The following SLAMF1 variants were observed in gnomAD, a reference collection of about 807,000 sequenced individuals.
The protein encoded by SLAMF1 is signaling lymphocytic activation molecule family member 1.
In SLAMF1, 18 loss-of-function variants were observed where a neutral mutation model predicts 35.1. The ratio of observed to expected loss-of-function variants is 0.51; its 90% CI spans 0.35 to 0.76. The LOEUF (loss-of-function observed/expected upper bound fraction) is 0.76, where lower values mean the gene tolerates loss of function less well. Ranked by LOEUF, SLAMF1 falls within the 30% of genes least tolerant of loss-of-function variation. The pLI, the probability that SLAMF1 is intolerant of heterozygous loss-of-function variation, is 0.01. For missense variants in SLAMF1, 392 were observed against 413.0 expected (o/e 0.95, Z 0.44); for synonymous variants, 168 against 157.2 (o/e 1.07, Z -0.51).
At position 160,637,544 on chromosome 1, in the gene SLAMF1, A is replaced by C. The variant is rs1481242574; in HGVS notation, c.77-15T>G. ...CATGCGCCCACCTGTGGGAGGGAGG[A>C]GAAGAGAGTCCCTTATTATTAAGGC... is the stretch of plus-strand genomic sequence containing the variant. On this transcript the variant is annotated splice_polypyrimidine_tract_variant and intron_variant, in intron 1 of 6. Transcript: ENST00000302035. 6.3e-7 allele frequency: 1 copy of C among 1,583,240 alleles called. No homozygotes were observed. Among genetic ancestry groups the C allele is most frequent in the African/African-American group, 1.3e-5 (1 of 74,388 alleles).
chr1:160,616,422 A>G (rs950146752), intron 5 of SLAMF1, among the ~76,000 whole-genome samples: 4 of 151,504 alleles, frequency 2.6e-5, no homozygotes. Flanking sequence ...TTACAGGCCA[A>G]TTTCACTCAG....
At chr1:160,635,551 T>C (rs966901927) in intron 2 of SLAMF1, among the ~76,000 whole-genome samples, 3 of 151,676 alleles carry the variant, frequency 2.0e-5, no homozygotes, top group African/African-American at 7.3e-5. Context: ...AGCACAGTGC[T>C]GGTGTTTCAC....
chr1:160,617,908 A>G (rs955178941), intron 5 of SLAMF1, among the ~76,000 whole-genome samples: 2 of 152,124 alleles, frequency 1.3e-5, no homozygotes, highest in African/African-American at 4.8e-5. Flanking sequence ...CCCCATCTCT[A>G]CTAAAGATAC....
At chr1:160,620,782 G>T (rs182333334) in intron 4 of SLAMF1, among the ~76,000 whole-genome samples, 3 of 152,190 alleles carry the variant, frequency 2.0e-5, no homozygotes, top group Admixed American at 6.5e-5. Context: ...TGATGGAAAT[G>T]TTCCATATCT....
rs983161274 is a variant in SLAMF1, at chr1:160,634,645, C to T, written c.668G>A (p.Ser223Asn). Residue 223 changes from serine to asparagine, a missense_variant, in exon 3 of 7, where the codon AGC becomes AAC. By Grantham distance (46) the Ser-to-Asn change is conservative. Coordinates refer to ENST00000302035, the MANE Select transcript of SLAMF1 (RefSeq NM_003037.5). The part of the protein sequence containing the change: ...NPISNNSQTF[S>N]PWPGCRTDPS... ...GTCTGTCCTGCATCCGGGCCACGGG[C>T]TGAAGGTCTGGGAATTGTTGCTGAT... The T allele has an allele frequency of 1.2e-6, 2 of 1,613,062 alleles. No homozygotes were observed. The highest frequency in any genetic ancestry group is 4.5e-5 in the East Asian group (2 of 44,894).
In SLAMF1 at chr1:160,619,762, A is replaced by C; in HGVS notation, c.864+14T>G. ...AACATGACAGGTTCATCTCAAACAA[A>C]ATATAGAACTTACACCTGGTTTCTG... is the stretch of plus-strand genomic sequence containing the variant. On this transcript the variant is annotated intron_variant, in intron 5 of 6. Transcript: ENST00000302035. 6.4e-7 allele frequency: 1 copy of C among 1,558,572 alleles called. No individual in the cohort carries two copies. Among genetic ancestry groups the C allele is most frequent in the Non-Finnish European group, 8.9e-7 (1 of 1,129,426 alleles).
intron 1 of SLAMF1, among the ~76,000 whole-genome samples, chr1:160,643,052 T>G (rs1421141086): frequency 6.6e-6 from 1 of 151,430 alleles, no homozygotes; most frequent in Non-Finnish European, 1.5e-5. Flanking sequence ...GCCCCCCACT[T>G]CCCCCTAGGA....
intron 1 of SLAMF1, among the ~76,000 whole-genome samples, chr1:160,640,387 TAC>T (rs1193240229): frequency 2.1e-5 from 3 of 144,514 alleles, no homozygotes; most frequent in African/African-American, 5.1e-5. Flanking sequence ...TATATATATA[TAC>T]ACACACACAT....
chr1:160,625,564 C>T (rs931156433), intron 3 of SLAMF1, among the ~76,000 whole-genome samples: 1 of 152,214 alleles, frequency 6.6e-6, no homozygotes, highest in African/African-American at 2.4e-5. Context: ...GCCTTTCACA[C>T]ATCAAGTTAG....
chr1:160,645,922 C>A (rs1276773254), intron 1 of SLAMF1, among the ~76,000 whole-genome samples: 2 of 152,088 alleles, frequency 1.3e-5, no homozygotes, highest in Non-Finnish European at 2.9e-5. Flanking sequence ...ACACCCTGGG[C>A]CTCAGGATTT....
intron 1 of SLAMF1, among the ~76,000 whole-genome samples, chr1:160,641,210 A>G (rs978096954): frequency 3.3e-5 from 5 of 152,192 alleles, no homozygotes; most frequent in Non-Finnish European, 5.9e-5. Context: ...TCTTAAAGGG[A>G]TCTGAGATTC....
At position 160,634,822 on chromosome 1, in the gene SLAMF1, C is replaced by T; in HGVS notation, c.491G>A (p.Cys164Tyr). 6.2e-7 allele frequency: 1 copy of T among 1,614,176 alleles called. No homozygotes were observed. The highest frequency in any genetic ancestry group is 8.5e-7 in the Non-Finnish European group (1 of 1,180,016). ...ENGTCTLILGCTVEKGDHVAY... is the reference protein window; with the variant it reads ...ENGTCTLILGYTVEKGDHVAY... ...CACATGGTCCCCCTTCTCCACTGTGCAGCCCAGTATCAAGGTGCAGGTCCC... is the reference window on the plus strand; with the variant it reads ...CACATGGTCCCCCTTCTCCACTGTGTAGCCCAGTATCAAGGTGCAGGTCCC... Residue 164 changes from cysteine (C) to tyrosine (Y), a missense_variant, in exon 3 of 7, where the codon TGC becomes TAC. Coordinates refer to ENST00000302035, the MANE Select transcript of SLAMF1 (RefSeq NM_003037.5).
At chr1:160,634,974 A>G in intron 2 of SLAMF1, 77 bp from the exon 3 acceptor site, 3 of 1,318,414 alleles carry the variant, frequency 2.3e-6, no homozygotes, top group Non-Finnish European at 2.1e-6. Flanking sequence ...TTGTTAGAAC[A>G]AAGTACAGCC....
chr1:160,632,598 T>G lies in SLAMF1; in HGVS notation c.700+2015A>C, dbSNP rs60219124. Among the ~76,000 whole-genome samples, 587 of 152,296 alleles carry G rather than the reference T, an allele frequency of 3.9e-3. 1 individual carries two copies. The highest frequency in any genetic ancestry group is 0.013 in the African/African-American group (558 of 41,552). ...TTGGTATGCCCTAATTAAATTCTTT[T>G]TAAACTACATTGAGGAGCATGAAGA... On this transcript the variant is annotated intron_variant, in intron 3 of 6. Coordinates refer to ENST00000302035, the MANE Select transcript of SLAMF1 (RefSeq NM_003037.5).
rs138211569 is a variant in SLAMF1 at position 160,636,285 on chromosome 1, T to C, written c.415+906A>G. On this transcript the variant is annotated intron_variant, in intron 2 of 6. Coordinates refer to ENST00000302035, the MANE Select transcript of SLAMF1 (RefSeq NM_003037.5). ...CCATGGGAATTCCGCAGGCACTGTTTGAAGGAAAGGGAATGCTGGGTTGAG... is the reference window on the plus strand; with the variant it reads ...CCATGGGAATTCCGCAGGCACTGTTCGAAGGAAAGGGAATGCTGGGTTGAG... Among the ~76,000 whole-genome samples, 1,064 of 152,278 alleles carry C rather than the reference T, an allele frequency of 7.0e-3. 9 individuals are homozygous for C. Among genetic ancestry groups the C allele is most frequent in the Non-Finnish European group, 0.01 (681 of 68,012 alleles).
At chr1:160,632,355 C>T (rs1475064303) in intron 3 of SLAMF1, among the ~76,000 whole-genome samples, 6 of 152,106 alleles carry the variant, frequency 3.9e-5, no homozygotes, top group Non-Finnish European at 8.8e-5. Flanking sequence ...CAAACCGAGC[C>T]GAGATCCTGA....
chr1:160,640,213 A>G (rs535862130), intron 1 of SLAMF1, among the ~76,000 whole-genome samples: 18 of 151,676 alleles, frequency 1.2e-4, no homozygotes, highest in Admixed American at 1.0e-3. Flanking sequence ...ACCTACAAAC[A>G]GGTGCTATGT....
intron 3 of SLAMF1, among the ~76,000 whole-genome samples, chr1:160,630,280 A>G (rs1660098324): frequency 6.6e-6 from 1 of 152,232 alleles, no homozygotes; most frequent in African/African-American, 2.4e-5. Context: ...CTTCATTATG[A>G]TAGACATTAA....
chr1:160,646,612 G>A (rs1292631673), intron 1 of SLAMF1, among the ~76,000 whole-genome samples: 5 of 152,214 alleles, frequency 3.3e-5, no homozygotes, highest in Non-Finnish European at 4.4e-5. Context: ...GGTCAGAAAA[G>A]TGACTGGAGC....
Sources: gnomAD v4.1 joint callset for allele counts (sites outside exome capture counted in the v4.1 genomes callset) on GRCh38, gnomAD v4.1.1 for gene constraint, MANE v1.5 for transcripts, NCBI Gene and HGNC (gene_info 2026-07-23, HGNC 2026-07-21) for gene names.